The following SETBP1 variants were observed in gnomAD, a reference collection of about 807,000 sequenced individuals.
SETBP1 encodes SET-binding protein.
In SETBP1, 9 loss-of-function variants were observed where a neutral mutation model predicts 101.0. The observed-to-expected ratio is 0.09, with a 90% confidence interval of 0.05 to 0.16. SETBP1 has a LOEUF of 0.16. Ranked by LOEUF, SETBP1 falls within the 10% of genes least tolerant of loss-of-function variation. The probability of loss-of-function intolerance (pLI) is 1.00; values close to 1 mark genes in which losing one functional copy is unlikely to be tolerated. For synonymous variants in SETBP1, 818 were observed against 788.5 expected (o/e 1.04, Z -0.63); for missense variants, 1,858 against 2,033.8 (o/e 0.91, Z 1.66).
At chr18:44,749,944 A>G (rs1197428096) in intron 2 of SETBP1, among the ~76,000 whole-genome samples, 1 of 147,026 alleles carries the variant, frequency 6.8e-6, no homozygotes, top group Admixed American at 6.7e-5. Flanking sequence ...ATGAAGAAGG[A>G]TGGCTGGGTG....
rs537609149 is a variant in SETBP1, at chr18:44,687,423, G to C, written c.-173+6402G>C. Among the ~76,000 whole-genome samples, 7 of 152,272 alleles carry C rather than the reference G, an allele frequency of 4.6e-5. No homozygotes were observed. The South Asian group carries it at 1.5e-3, about 32-fold the overall frequency. On this transcript the variant is annotated intron_variant, in intron 1 of 5. Coordinates refer to ENST00000649279, the MANE Select transcript of SETBP1 (RefSeq NM_015559.3). ...ATGCCCTTTGCTAAATGTTTGATGG[G>C]TTGAAAGAGTTACAGAAAGGGAAGG...
rs560926510 is a variant in SETBP1 at position 44,916,130 on chromosome 18, G to A, written c.541-33751G>A. ...AGTCCCAGCTACTCGGGAGGCTGAG[G>A]CACAAGAATCTCTTGAATCTGGCAG... is the stretch of plus-strand genomic sequence containing the variant. On this transcript the variant is annotated intron_variant, in intron 3 of 5. Coordinates refer to ENST00000649279, the MANE Select transcript of SETBP1 (RefSeq NM_015559.3). 1.1e-4 allele frequency among the ~76,000 whole-genome samples: 17 copies of A among 152,280 alleles called. No individual in the cohort carries two copies. In the South Asian group the frequency reaches 3.5e-3, roughly 32 times the overall value.
intron 2 of SETBP1, among the ~76,000 whole-genome samples, chr18:44,834,393 G>C (rs763199865): frequency 1.3e-5 from 2 of 152,322 alleles, no homozygotes; most frequent in Admixed American, 6.5e-5. Context: ...TGCTAAGTAC[G>C]TATGAACTAG....
intron 4 of SETBP1, among the ~76,000 whole-genome samples, chr18:44,998,057 G>A (rs1280921315): frequency 7.2e-5 from 11 of 152,210 alleles, no homozygotes; most frequent in East Asian, 1.9e-4. Context: ...GTGAGAGGCC[G>A]TTTAGCAGCC....
intron 4 of SETBP1, among the ~76,000 whole-genome samples, chr18:44,985,694 A>G (rs1048216453): frequency 3.3e-5 from 5 of 152,204 alleles, no homozygotes; most frequent in Non-Finnish European, 5.9e-5. Context: ...TCACTCTGTA[A>G]TCCACCATTT....
chr18:44,731,589 A>G (rs1295026466), intron 2 of SETBP1, among the ~76,000 whole-genome samples: 2 of 152,094 alleles, frequency 1.3e-5, no homozygotes, highest in African/African-American at 2.4e-5. Flanking sequence ...CCCTGGGGCT[A>G]ATGGAATTAT....
intron 4 of SETBP1, among the ~76,000 whole-genome samples, chr18:45,022,847 A>G (rs2073097354): frequency 6.6e-6 from 1 of 152,258 alleles, no homozygotes; most frequent in South Asian, 2.1e-4. Flanking sequence ...AAAAATAAGA[A>G]TAAATAAAAT....
intron 3 of SETBP1, among the ~76,000 whole-genome samples, chr18:44,912,476 C>G (rs1232993478): frequency 6.6e-6 from 1 of 152,044 alleles, no homozygotes; most frequent in Non-Finnish European, 1.5e-5. Flanking sequence ...TTTAAGGAAA[C>G]TTTTTGTTTT....
chr18:44,951,863 C>T lies in SETBP1; in HGVS notation c.2523C>T (p.His841=), dbSNP rs778715014. Residue 841 remains histidine, a synonymous_variant, in exon 4 of 6, where the codon CAC becomes CAT. Transcript: ENST00000649279. The surrounding 1 kb of genome is among the most constrained non-coding windows in gnomAD (Gnocchi z 7.8). ...GACTGATGGCCAACTCCCCTTCACA[C>T]CTGTGCGAGATTGGCTCCCTAAAGG... ...PPRLMANSPS[H]LCEIGSLKEI... 1.2e-5 allele frequency: 19 copies of T among 1,613,998 alleles called. No individual in the cohort carries two copies. The South Asian group carries it at 1.8e-4, about 15-fold the overall frequency.
chr18:45,022,373 C>G (rs2073088834), intron 4 of SETBP1, among the ~76,000 whole-genome samples: 1 of 152,178 alleles, frequency 6.6e-6, no homozygotes, highest in South Asian at 2.1e-4. Flanking sequence ...GCCTTTCTTC[C>G]TGGAAAGTCT....
chr18:44,858,935 C>G (rs1292805452), intron 2 of SETBP1, among the ~76,000 whole-genome samples: 1 of 152,052 alleles, frequency 6.6e-6, no homozygotes, highest in Admixed American at 6.6e-5. Flanking sequence ...ATGCAACTAT[C>G]TCCTTCCCAT....
chr18:44,753,452 C>T (rs1044355429), intron 2 of SETBP1, among the ~76,000 whole-genome samples: 4 of 152,198 alleles, frequency 2.6e-5, no homozygotes, highest in Admixed American at 6.5e-5. Flanking sequence ...CGTAGAAATG[C>T]CTTTGCCTAA....
At chr18:44,738,095 C>A (rs1287802363) in intron 2 of SETBP1, among the ~76,000 whole-genome samples, 1 of 152,166 alleles carries the variant, frequency 6.6e-6, no homozygotes, top group Admixed American at 6.5e-5. Context: ...CCTCTGAGAA[C>A]CTAGCATGTG....
At chr18:44,694,517 A>G (rs7241314) in intron 1 of SETBP1, among the ~76,000 whole-genome samples, 3,177 of 152,300 alleles carry the variant, frequency 0.021, 99 homozygotes, top group African/African-American at 0.073. Flanking sequence ...CCATGGCTGC[A>G]TTTTAAGCTA....
At chr18:44,833,097 G>T (rs1599191374) in intron 2 of SETBP1, among the ~76,000 whole-genome samples, 1 of 152,188 alleles carries the variant, frequency 6.6e-6, no homozygotes, top group African/African-American at 2.4e-5. Context: ...GAGCCCACAG[G>T]CTGGGCATGA....
chr18:44,764,273 T>G (rs1383772431), intron 2 of SETBP1, among the ~76,000 whole-genome samples: 1 of 152,220 alleles, frequency 6.6e-6, no homozygotes, highest in African/African-American at 2.4e-5. Flanking sequence ...CTTCTGCCTG[T>G]AAGATTCTCC....
chr18:44,954,179 A>T (rs1278503485), intron 4 of SETBP1, among the ~76,000 whole-genome samples: 1 of 151,944 alleles, frequency 6.6e-6, no homozygotes, highest in African/African-American at 2.4e-5. Context: ...AACCACACAA[A>T]ATCCTTCCCT....
intron 4 of SETBP1, among the ~76,000 whole-genome samples, chr18:44,957,337 A>G (rs2071508598): frequency 6.6e-6 from 1 of 152,110 alleles, no homozygotes; most frequent in South Asian, 2.1e-4. Flanking sequence ...TATGCCAGAT[A>G]CTGAGACCTC....
rs547599228 is a variant in SETBP1 at position 44,713,812 on chromosome 18, G to A, written c.486+11980G>A. On this transcript the variant is annotated intron_variant, in intron 2 of 5. Transcript: ENST00000649279. ...TCTAGGCTAAAATTCAGGTGTTTGC[G>A]TTATTATCATCTCTTTGTGCACAGT... 5.1e-4 allele frequency among the ~76,000 whole-genome samples: 77 copies of A among 152,280 alleles called. 1 individual carries two copies. Among genetic ancestry groups the A allele is most frequent in the East Asian group, 1.7e-3 (9 of 5,194 alleles).
Sources: gnomAD v4.1 joint callset for allele counts (sites outside exome capture counted in the v4.1 genomes callset) on GRCh38, gnomAD v4.1.1 for gene constraint, Gnocchi (gnomAD v3.1) non-coding constraint, MANE v1.5 for transcripts, NCBI Gene and HGNC (gene_info 2026-07-23, HGNC 2026-07-21) for gene names.